Variants in MYRF observed in about 807,000 individuals in gnomAD.
MYRF encodes myelin regulatory factor.
Under a neutral mutation model 126.3 loss-of-function variants are expected in MYRF, and 16 were observed. The observed-to-expected ratio is 0.13, with a 90% CI of 0.09 to 0.19. The LOEUF is 0.19. Ranked by LOEUF, MYRF falls within the 10% of genes least tolerant of loss-of-function variation. MYRF has a pLI of 1.00. For missense variants in MYRF, 1,104 were observed against 1,547.0 expected, an observed-to-expected ratio of 0.71 and a Z score of 4.80; for synonymous variants, 608 against 635.3, an observed-to-expected ratio of 0.96 and a Z score of 0.65.
chr11:61,772,158 C>T (rs1289482856), intron 7 of MYRF, among the ~76,000 whole-genome samples: 2 of 152,196 alleles, frequency 1.3e-5, no homozygotes, highest in Non-Finnish European at 2.9e-5. Flanking sequence ...TGATGACTGC[C>T]AGGGAGGGGC....
In MYRF at chr11:61,777,079, A is replaced by G. The variant is rs977465068; in HGVS notation, c.1591-185A>G. The stretch of plus-strand genomic sequence containing the variant: ...AGCAGGGAGGTGGACGAAGCCTGGT[A>G]GCTTCTGGGATCCCACAAGTGACAA... On this transcript the variant is annotated intron_variant, in intron 11 of 26. Transcript: ENST00000278836. The surrounding 1 kb of genome is among the most constrained non-coding windows in gnomAD (Gnocchi z 8.8). Among the ~76,000 whole-genome samples, 1 of 152,118 alleles carries G rather than the reference A, an allele frequency of 6.6e-6. No homozygotes were observed. The highest frequency in any genetic ancestry group is 6.5e-5 in the Admixed American group (1 of 15,280).
At position 61,766,201 on chromosome 11, in the gene MYRF, C is replaced by G. The variant is rs963104570; in HGVS notation, c.378C>G (p.Pro126=). ...CCGGGCCCCCCATCAAGGCTGAGCC[C>G]AAGGCTCCCTATGCCCCAGGGTGAG... The part of the protein sequence containing the change: ...GGTGPPIKAE[P]KAPYAPGTLP... The change falls in exon 3 of 27, where the codon CCC becomes CCG. Residue 126 remains proline, a synonymous_variant. Transcript: ENST00000278836. 1 of 1,608,718 alleles carries G rather than the reference C, an allele frequency of 6.2e-7. No homozygotes were observed. The highest frequency in any genetic ancestry group is 1.3e-5 in the African/African-American group (1 of 74,678).
intron 4 of MYRF, 131 bp from the exon 5 acceptor site, chr11:61,770,115 G>T (rs964218591): frequency 1.1e-6 from 1 of 885,290 alleles, no homozygotes; most frequent in African/African-American, 1.7e-5. Flanking sequence ...CCCACCTAGG[G>T]TAGGTGGGGG....
At chr11:61,775,926 G>T (rs1015467867) in intron 8 of MYRF, 130 bp from the exon 9 acceptor site, 7 of 798,570 alleles carry the variant, frequency 8.8e-6, no homozygotes, top group Non-Finnish European at 1.3e-5. Flanking sequence ...TGGGAATCGC[G>T]GCTGAGGGCT....
At chr11:61,766,975 T>G (rs1241360240) in intron 3 of MYRF, 2 of 454,678 alleles carry the variant, frequency 4.4e-6, no homozygotes, top group Non-Finnish European at 8.9e-6. Flanking sequence ...GCTTCCCCAT[T>G]TATCAGCCGT....
chr11:61,754,994 G>A (rs1370574937), intron 1 of MYRF, among the ~76,000 whole-genome samples: 1 of 152,206 alleles, frequency 6.6e-6, no homozygotes, highest in Non-Finnish European at 1.5e-5. Flanking sequence ...CTTTTGAGCC[G>A]TGGCTGCGTC....
chr11:61,770,345 G>GGCCCCCCCCCCCCC lies in MYRF; in HGVS notation c.560_561insGCCCCCCCCCCCCC (p.Pro194ArgfsTer19). ...CCCCCACCTCCAGCCCACTTGCCAG[G>GGCCCCCCCCCCCCC]CCCCCCGCCACCCCCACCACCCCCA... On this transcript the variant is annotated frameshift_variant, in exon 5 of 27. Transcript: ENST00000278836. LOFTEE classifies it high-confidence loss of function. 1 of 1,504,826 alleles carries GGCCCCCCCCCCCCC rather than the reference G, an allele frequency of 6.6e-7. No homozygotes were observed. The highest frequency in any genetic ancestry group is 9.0e-7 in the Non-Finnish European group (1 of 1,109,488). 93.2% of individuals were successfully genotyped at this position (1,504,826 alleles called of 1,614,324 possible). A position where few individuals can be genotyped will look rare whatever the true frequency, so the allele number is the denominator to read the frequency against.
Position 61,787,823 on chromosome 11 carries a change from G to A in MYRF, c.*1680G>A, listed in dbSNP as rs2066728746. 1 of 152,710 alleles carries A rather than the reference G, an allele frequency of 6.5e-6. No individual in the cohort carries two copies. The highest frequency in any genetic ancestry group is 2.1e-4 in the South Asian group (1 of 4,832). 9.5% of individuals were successfully genotyped at this position (152,710 alleles called of 1,614,324 possible). On this transcript the variant is annotated 3_prime_UTR_variant, in exon 27 of 27. Transcript: ENST00000278836. Reference sequence around the variant, plus strand: ...CTGCCGAGCCCCACTCCATGTAATAGGATTCCTGGGCTTCCTCAATGGGGG... The same window carrying A: ...CTGCCGAGCCCCACTCCATGTAATAAGATTCCTGGGCTTCCTCAATGGGGG...
chr11:61,766,370 G>T, intron 3 of MYRF, 149 bp downstream of exon 3: 1 of 838,442 alleles, frequency 1.2e-6, no homozygotes, highest in South Asian at 2.1e-5. Context: ...GGGAAGGGAG[G>T]ATGAGTCCAG....
In MYRF at chr11:61,771,905, T is replaced by C. The variant is rs1185639057; in HGVS notation, c.1068T>C (p.His356=). ...PNYQSIKWQP[H]QQNKWATLYD... is the part of the protein sequence containing the mutation. Reference sequence around the variant, plus strand: ...ACCAGTCCATCAAGTGGCAGCCTCATCAGCAGAACAAGTGGGCGACCCTGT... The same window carrying C: ...ACCAGTCCATCAAGTGGCAGCCTCACCAGCAGAACAAGTGGGCGACCCTGT... The change falls in exon 7 of 27, where the codon CAT becomes CAC. Residue 356 remains histidine (H), a synonymous_variant. Transcript: ENST00000278836. The C allele has an allele frequency of 6.2e-7, 1 of 1,614,108 alleles. No individual in the cohort carries two copies. The highest frequency in any genetic ancestry group is 2.2e-5 in the East Asian group (1 of 44,874).
rs547363523 is a variant in MYRF at position 61,763,879 on chromosome 11, T to A, written c.47-1746T>A. 3.3e-5 allele frequency among the ~76,000 whole-genome samples: 5 copies of A among 151,572 alleles called. No individual in the cohort carries two copies. The South Asian group carries it at 1.0e-3, about 32-fold the overall frequency. On this transcript the variant is annotated intron_variant, in intron 1 of 26. Coordinates refer to ENST00000278836, the MANE Select transcript of MYRF (RefSeq NM_001127392.3). ...GACTCAGTCTCAAAAAAAAAAGAAA[T>A]AAAGTAAAGAAACTCCTGTGATTAT...
chr11:61,768,108 ACT>A (rs1266218309), intron 3 of MYRF, among the ~76,000 whole-genome samples: 1 of 148,390 alleles, frequency 6.7e-6, no homozygotes, highest in Admixed American at 6.7e-5. Context: ...ACAGAGCGAG[ACT>A]CTGTCTCAAA....
rs1429951975 is a variant in MYRF, at chr11:61,757,244, G to A, written c.46+4454G>A. 4.4e-6 allele frequency: 2 copies of A among 456,688 alleles called. No homozygotes were observed. Among genetic ancestry groups the A allele is most frequent in the African/African-American group, 2.0e-5 (1 of 50,050 alleles). The allele number at this position is 456,688 out of a possible 1,614,324, so 28.3% of individuals were successfully genotyped here. ...TCTTGGTTGGGTCTCGGGGTAGGAT[G>A]ATGTAATGGTTCTGTGCATTCGCCA... On this transcript the variant is annotated intron_variant, in intron 1 of 26. Coordinates refer to ENST00000278836, the MANE Select transcript of MYRF (RefSeq NM_001127392.3). This position sits in a 1 kb window ranked among gnomAD's most constrained non-coding sequence, Gnocchi z 4.7.
chr11:61,788,332 C>G lies in MYRF; in HGVS notation c.*2189C>G, dbSNP rs2066741386. The G allele has an allele frequency of 6.6e-6, 1 of 152,410 alleles. No homozygotes were observed. The highest frequency in any genetic ancestry group is 2.1e-4 in the South Asian group (1 of 4,832). The allele number at this position is 152,410 out of a possible 1,614,324, so 9.4% of individuals were successfully genotyped here. A position where few individuals can be genotyped will look rare whatever the true frequency, so the allele number is the denominator to read the frequency against. On this transcript the variant is annotated 3_prime_UTR_variant, in exon 27 of 27. Coordinates refer to ENST00000278836, the MANE Select transcript of MYRF (RefSeq NM_001127392.3). Reference sequence around the variant, plus strand: ...AGCCTGCGTGTGCATAGAGCGCCCCCTACTTCCCAGTTAACTCCCAGTTCT... The same window carrying G: ...AGCCTGCGTGTGCATAGAGCGCCCCGTACTTCCCAGTTAACTCCCAGTTCT...
In MYRF at chr11:61,783,910, T is replaced by C; in HGVS notation, c.3179T>C (p.Leu1060Pro). The C allele has an allele frequency of 6.2e-7, 1 of 1,606,376 alleles. No homozygotes were observed. The highest frequency in any genetic ancestry group is 8.5e-7 in the Non-Finnish European group (1 of 1,175,982). Residue 1060 changes from leucine (L) to proline (P), a missense_variant, in exon 24 of 27, where the codon CTG becomes CCG. Leu to Pro is a moderately conservative substitution (Grantham distance 98). Transcript: ENST00000278836. This position sits in a 1 kb window ranked among gnomAD's most constrained non-coding sequence, Gnocchi z 4.6. ...VSSGTPLHLS[L>P]TLQMNSSSPV... Reference sequence around the variant, plus strand: ...AGTGGCACCCCACTGCACCTCAGCCTGACTCTGCAGATGAAGTGAGTGCCG... The same window carrying C: ...AGTGGCACCCCACTGCACCTCAGCCCGACTCTGCAGATGAAGTGAGTGCCG...
rs766451730 is a variant in MYRF at position 61,779,910 on chromosome 11, G to A, written c.2316G>A (p.Leu772=). 6 of 1,614,066 alleles carry A rather than the reference G, an allele frequency of 3.7e-6. No individual in the cohort carries two copies. Among genetic ancestry groups the A allele is most frequent in the Non-Finnish European group, 5.1e-6 (6 of 1,179,948 alleles). The change falls in exon 17 of 27, where the codon CTG becomes CTA. Residue 772 remains leucine, a synonymous_variant. Coordinates refer to ENST00000278836, the MANE Select transcript of MYRF (RefSeq NM_001127392.3). ...TCCTGCAGGGAACCATCATTGCCCT[G>A]GTGGTGGTCATGGCCTTCAGGTGAC... ...QRFLQGTIIA[L]VVVMAFSVVS... is the part of the protein sequence containing the mutation.
At chr11:61,768,865 G>A (rs1591098775) in intron 3 of MYRF, 2 of 184,386 alleles carry the variant, frequency 1.1e-5, no homozygotes, top group East Asian at 2.8e-4. Context: ...ATGACCTGCT[G>A]AATGCCCTGA....
intron 8 of MYRF, among the ~76,000 whole-genome samples, chr11:61,774,480 G>A (rs1056541228): frequency 1.3e-5 from 2 of 149,050 alleles, no homozygotes; most frequent in South Asian, 2.1e-4. Context: ...CTGAGATCAC[G>A]CCACTGCACT....
chr11:61,760,184 G>A (rs1429530193), intron 1 of MYRF, among the ~76,000 whole-genome samples: 2 of 152,114 alleles, frequency 1.3e-5, no homozygotes, highest in Admixed American at 6.5e-5. Context: ...GATCAAGCTG[G>A]TCTCGAACTC....
Sources: gnomAD v4.1 joint callset for allele counts (sites outside exome capture counted in the v4.1 genomes callset) on GRCh38, gnomAD v4.1.1 for gene constraint, Gnocchi (gnomAD v3.1) non-coding constraint, MANE v1.5 for transcripts, NCBI Gene and HGNC (gene_info 2026-07-23, HGNC 2026-07-21) for gene names.